The following TRPM3 variants were observed in gnomAD, a reference collection of about 807,000 sequenced individuals.
TRPM3 encodes transient receptor potential cation channel subfamily M member 3.
A neutral mutation model predicts 181.2 loss-of-function variants in TRPM3; 77 were observed. The observed-to-expected ratio is 0.42, with a 90% CI of 0.35 to 0.51. The LOEUF (loss-of-function observed/expected upper bound fraction) is 0.51, where lower values mean the gene tolerates loss of function less well. Ranked by LOEUF, TRPM3 falls within the 20% of genes least tolerant of loss-of-function variation. TRPM3 has a pLI of 0.01. For missense variants in TRPM3, 1,759 were observed against 2,196.7 expected (o/e 0.80, Z 3.98); for synonymous variants, 745 against 796.4 (o/e 0.94, Z 1.09).
intron 1 of TRPM3, among the ~76,000 whole-genome samples, chr9:71,177,166 C>T (rs2077145887): frequency 6.6e-6 from 1 of 152,064 alleles, no homozygotes; most frequent in South Asian, 2.1e-4. Context: ...AATCTAATGC[C>T]TTGTGATCGG....
intron 1 of TRPM3, among the ~76,000 whole-genome samples, chr9:71,188,130 C>T (rs925903143): frequency 1.3e-5 from 2 of 151,870 alleles, no homozygotes; most frequent in Non-Finnish European, 1.5e-5. Context: ...ATACAATACA[C>T]TTCTGGAAGG....
At chr9:70,780,720 T>A (rs2082270144) in intron 7 of TRPM3, among the ~76,000 whole-genome samples, 1 of 152,208 alleles carries the variant, frequency 6.6e-6, no homozygotes, top group African/African-American at 2.4e-5. Flanking sequence ...GATGAATTTA[T>A]AATTGCTTTC....
intron 1 of TRPM3, among the ~76,000 whole-genome samples, chr9:71,381,000 A>C (rs2092787151): frequency 1.3e-5 from 2 of 151,990 alleles, no homozygotes; most frequent in Admixed American, 1.3e-4. Context: ...CTGGAAGGAT[A>C]CTATATACAC....
At chr9:70,755,075 A>G (rs2135161584) in intron 8 of TRPM3, among the ~76,000 whole-genome samples, 1 of 152,314 alleles carries the variant, frequency 6.6e-6, no homozygotes, top group Non-Finnish European at 1.5e-5. Flanking sequence ...TTTTGATTTA[A>G]AAATTTCTAA....
chr9:71,059,011 A>ATTTTTTTTTTTCTTTTTTTT (rs2060990169), intron 1 of TRPM3, among the ~76,000 whole-genome samples: 1 of 52,638 alleles, frequency 1.9e-5, no homozygotes, highest in Non-Finnish European at 3.2e-5. Flanking sequence ...TTGTTTGTTC[A>ATTTTTTTTTTTCTTTTTTTT]TTTTTTTTTT....
chr9:70,873,782 T>TATAATC (rs1564659588), intron 1 of TRPM3, among the ~76,000 whole-genome samples: 1 of 152,006 alleles, frequency 6.6e-6, no homozygotes, highest in African/African-American at 2.4e-5. Flanking sequence ...TTCCAACATG[T>TATAATC]ATAATCATCT....
intron 1 of TRPM3, among the ~76,000 whole-genome samples, chr9:71,177,932 C>CAAAA (rs10717759): frequency 1.6e-5 from 2 of 123,592 alleles, no homozygotes; most frequent in Non-Finnish European, 3.4e-5. Context: ...TGCTCAAAGC[C>CAAAA]AAAAAAAAAA....
At position 71,005,383 on chromosome 9, in the gene TRPM3, G is replaced by A. The variant is rs981039740; in HGVS notation, c.177+115795C>T. Among the ~76,000 whole-genome samples the A allele has an allele frequency of 1.1e-4, 16 of 152,004 alleles. 1 individual carries two copies. In the South Asian group the frequency reaches 1.2e-3, roughly 12 times the overall value. ...ATCGCACCATTGTACTCTAGCCTGG[G>A]CAACTAGAGTGAAACTCCATGTCAA... is the stretch of plus-strand genomic sequence containing the variant. On this transcript the variant is annotated intron_variant, in intron 1 of 25. Coordinates refer to ENST00000677713, the MANE Select transcript of TRPM3 (RefSeq NM_001366145.2).
At position 71,413,253 on chromosome 9, in the gene TRPM3, A is replaced by C. The variant is rs116124507; in HGVS notation, c.183+33400T>G. Among the ~76,000 whole-genome samples, 936 of 152,298 alleles carry C rather than the reference A, an allele frequency of 6.1e-3. 9 individuals are homozygous for C. The highest frequency in any genetic ancestry group is 0.021 in the African/African-American group (892 of 41,554). On this transcript the variant is annotated intron_variant, in intron 1 of 24. Coordinates refer to the TRPM3 transcript ENST00000357533. Reference sequence around the variant, plus strand: ...CTAGAACTTAAAGTATAACAAAAAAATAAAATTAAAAAATTTATAACTCAT... The same window carrying C: ...CTAGAACTTAAAGTATAACAAAAAACTAAAATTAAAAAATTTATAACTCAT...
intron 1 of TRPM3, among the ~76,000 whole-genome samples, chr9:71,023,857 C>T (rs1402360404): frequency 1.3e-5 from 2 of 152,158 alleles, no homozygotes; most frequent in African/African-American, 4.8e-5. Flanking sequence ...GGAGAGAAGG[C>T]GTAGTTATAA....
intron 22 of TRPM3, among the ~76,000 whole-genome samples, chr9:70,567,022 C>T (rs1419365193): frequency 6.6e-6 from 1 of 152,192 alleles, no homozygotes; most frequent in African/African-American, 2.4e-5. Flanking sequence ...CTGACGACAT[C>T]AGGGCAGAAA....
chr9:70,545,169 T>C (rs976806781), intron 25 of TRPM3, among the ~76,000 whole-genome samples: 6 of 152,232 alleles, frequency 3.9e-5, no homozygotes, highest in African/African-American at 1.2e-4. Context: ...AAAATTTTGT[T>C]ATACTATATT....
intron 1 of TRPM3, among the ~76,000 whole-genome samples, chr9:71,191,869 G>T (rs2078047822): frequency 6.6e-6 from 1 of 151,172 alleles, no homozygotes; most frequent in Non-Finnish European, 1.5e-5. Flanking sequence ...TCTGCTTCAG[G>T]GTGATGTCAT....
intron 1 of TRPM3, among the ~76,000 whole-genome samples, chr9:71,302,645 T>C (rs2086882566): frequency 6.6e-6 from 1 of 152,130 alleles, no homozygotes; most frequent in South Asian, 2.1e-4. Flanking sequence ...GAAACAATAC[T>C]TGTAAGAGCC....
intron 22 of TRPM3, among the ~76,000 whole-genome samples, chr9:70,566,735 A>G (rs2050690451): frequency 6.6e-6 from 1 of 152,154 alleles, no homozygotes; most frequent in Admixed American, 6.5e-5. Flanking sequence ...ATCTGAAGGC[A>G]GCTGAATGTT....
intron 1 of TRPM3, among the ~76,000 whole-genome samples, chr9:71,050,926 T>C (rs940591860): frequency 5.3e-5 from 8 of 152,208 alleles, no homozygotes; most frequent in Admixed American, 3.3e-4. Flanking sequence ...GACTGACTTA[T>C]AGATTGACTA....
chr9:71,111,715 A>G (rs2071144751), intron 1 of TRPM3, among the ~76,000 whole-genome samples: 1 of 152,216 alleles, frequency 6.6e-6, no homozygotes, highest in Non-Finnish European at 1.5e-5. Context: ...TTATTTGTGG[A>G]CTAGCACAAT....
chr9:70,803,032 G>GGA (rs2089603395), intron 6 of TRPM3, among the ~76,000 whole-genome samples: 1 of 24,898 alleles, frequency 4.0e-5, no homozygotes, highest in Non-Finnish European at 9.0e-5. Flanking sequence ...GAGAAATTTT[G>GGA]TAAAAAAAAA....
upstream of TRPM3, among the ~76,000 whole-genome samples, chr9:71,124,627 T>C (rs1180446084): frequency 1.3e-5 from 2 of 152,194 alleles, no homozygotes; most frequent in African/African-American, 4.8e-5. Flanking sequence ...CAAAGAATCA[T>C]GATGAAATTT....
Sources: gnomAD v4.1 joint callset for allele counts (sites outside exome capture counted in the v4.1 genomes callset) on GRCh38, gnomAD v4.1.1 for gene constraint, MANE v1.5 for transcripts, NCBI Gene and HGNC (gene_info 2026-07-23, HGNC 2026-07-21) for gene names.